The following PTPRQ variants were observed in gnomAD, a reference collection of about 807,000 sequenced individuals.
PTPRQ encodes the protein phosphatidylinositol phosphatase PTPRQ.
PTPRQ carries 199 observed loss-of-function variants against 246.0 expected under a neutral mutation model. The ratio of observed to expected loss-of-function variants is 0.81; its 90% CI spans 0.72 to 0.91. The LOEUF is 0.91. Ranked by LOEUF, PTPRQ falls within the 40% of genes least tolerant of loss-of-function variation. The pLI is 0.00. For synonymous variants in PTPRQ, 869 were observed against 853.2 expected, an observed-to-expected ratio of 1.02 and a Z score of -0.32; for missense variants, 2,624 against 2,528.4, an observed-to-expected ratio of 1.04 and a Z score of -0.81.
At chr12:80,678,753 G>A (rs930531967) in intron 44 of PTPRQ, 28 bp downstream of exon 44, 2 of 1,526,564 alleles carry the variant, frequency 1.3e-6, no homozygotes, top group Non-Finnish European at 1.8e-6. Context: ...TATATGCCCA[G>A]CTTACTAGTT....
At chr12:80,644,154 CATAA>C (rs1222801332) in intron 35 of PTPRQ, among the ~76,000 whole-genome samples, 1 of 152,154 alleles carries the variant, frequency 6.6e-6, no homozygotes, top group Admixed American at 6.5e-5. Context: ...CCACTGCCAA[CATAA>C]ATAAATGCTT....
chr12:80,571,325 A>G (rs999636386), intron 25 of PTPRQ, among the ~76,000 whole-genome samples: 2 of 152,174 alleles, frequency 1.3e-5, no homozygotes, highest in Non-Finnish European at 2.9e-5. Context: ...TTTTTAGTAG[A>G]GACAGGGTTT....
Position 80,673,302 on chromosome 12 carries a change from C to T in PTPRQ, c.6736C>T (p.Leu2246=). 1 of 1,547,562 alleles carries T rather than the reference C, an allele frequency of 6.5e-7. No homozygotes were observed. Among genetic ancestry groups the T allele is most frequent in the South Asian group, 1.2e-5 (1 of 83,172 alleles). The change falls in exon 43 of 45, where the codon CTG becomes TTG. Residue 2246 remains leucine (L), a splice_region_variant and synonymous_variant. Coordinates refer to ENST00000644991, the MANE Select transcript of PTPRQ (RefSeq NM_001145026.2). ...TGAAAGAATGTGCATGGTGCAGAAT[C>T]TGGTAAGATCTCTAAACCTGCACTG... ...RSERMCMVQN[L]AQYIFLHQCI...
At chr12:80,504,457 T>C (rs1815459743) in intron 14 of PTPRQ, among the ~76,000 whole-genome samples, 1 of 151,864 alleles carries the variant, frequency 6.6e-6, no homozygotes, top group African/African-American at 2.4e-5. Flanking sequence ...AACATTTCTA[T>C]TTTATTTCAA....
At chr12:80,575,190 G>A (rs918723847) in intron 25 of PTPRQ, among the ~76,000 whole-genome samples, 20 of 152,190 alleles carry the variant, frequency 1.3e-4, no homozygotes, top group African/African-American at 3.9e-4. Flanking sequence ...ACACTTTAGT[G>A]TATAATAGCC....
rs1023247013 is a variant in PTPRQ at position 80,649,454 on chromosome 12, T to G, written c.5943-134T>G. The G allele has an allele frequency of 5.7e-6, 7 of 1,231,196 alleles. No homozygotes were observed. In the Admixed American group the frequency reaches 1.1e-4, roughly 19 times the overall value. The allele number at this position is 1,231,196 out of a possible 1,614,324, so 76.3% of individuals were successfully genotyped here. A position where few individuals can be genotyped will look rare whatever the true frequency, so the allele number is the denominator to read the frequency against. On this transcript the variant is annotated intron_variant, in intron 36 of 44. Transcript: ENST00000644991. Reference sequence around the variant, plus strand: ...TTTTATAAGTATAACAGAGTGACTTTAAAAAGCTGTGTTGTTTGTGATTTT... The same window carrying G: ...TTTTATAAGTATAACAGAGTGACTTGAAAAAGCTGTGTTGTTTGTGATTTT...
intron 9 of PTPRQ, among the ~76,000 whole-genome samples, chr12:80,487,151 T>C (rs1408147689): frequency 5.9e-5 from 9 of 151,548 alleles, no homozygotes; most frequent in Non-Finnish European, 1.3e-4. Context: ...TCTCTGACGC[T>C]CTGGATTCCT....
At chr12:80,596,615 T>C (rs1897977993) in intron 26 of PTPRQ, among the ~76,000 whole-genome samples, 1 of 152,062 alleles carries the variant, frequency 6.6e-6, no homozygotes, top group South Asian at 2.1e-4. Context: ...GAGAATCTTC[T>C]TTCTGTCCAT....
At chr12:80,532,384 C>A (rs1166386569) in intron 17 of PTPRQ, among the ~76,000 whole-genome samples, 1 of 151,858 alleles carries the variant, frequency 6.6e-6, no homozygotes, top group Non-Finnish European at 1.5e-5. Context: ...CCACGCAGGG[C>A]TAATTTTTTT....
At chr12:80,512,741 T>C (rs1345698846) in intron 17 of PTPRQ, 3 of 152,202 alleles carry the variant, frequency 2.0e-5, no homozygotes, top group African/African-American at 7.2e-5. Context: ...TGGGTAAATA[T>C]TCAATCAATT....
rs1368092988 is a variant in PTPRQ, at chr12:80,506,597, T to C, written c.2484T>C (p.Ile828=). The C allele has an allele frequency of 6.5e-7, 1 of 1,540,272 alleles. No individual in the cohort carries two copies. Among genetic ancestry groups the C allele is most frequent in the African/African-American group, 1.4e-5 (1 of 72,810 alleles). The part of the protein sequence containing the change: ...KVLKKYTQYI[I]EVSASTLKGE... ...TGAAGAAATATACCCAATATATCAT[T>C]GAGGTGTCTGCTAGTACACTCAAAG... Residue 828 remains isoleucine (I), a synonymous_variant, in exon 16 of 45, where the codon ATT becomes ATC. Coordinates refer to ENST00000644991, the MANE Select transcript of PTPRQ (RefSeq NM_001145026.2).
At chr12:80,465,382 G>T (rs1268152079) in intron 6 of PTPRQ, 1 of 152,162 alleles carries the variant, frequency 6.6e-6, no homozygotes, top group Non-Finnish European at 1.5e-5. Context: ...CAACCAAAAA[G>T]AGTCCAGGAC....
At chr12:80,520,133 G>C (rs571392385) in intron 17 of PTPRQ, among the ~76,000 whole-genome samples, 1 of 151,862 alleles carries the variant, frequency 6.6e-6, no homozygotes, top group Non-Finnish European at 1.5e-5. Context: ...TCTCAGCCTC[G>C]TGGTCTCTAT....
At chr12:80,652,706 C>A in intron 37 of PTPRQ, 38 bp from the exon 38 acceptor site, 1 of 1,462,698 alleles carries the variant, frequency 6.8e-7, no homozygotes, top group Middle Eastern at 1.8e-4. Flanking sequence ...TTGTTTACCT[C>A]TGATAAATGT....
At chr12:80,660,866 A>C (rs1163013) in intron 39 of PTPRQ, among the ~76,000 whole-genome samples, 76,400 of 151,802 alleles carry the variant, frequency 0.5, 21,826 homozygotes, top group African/African-American at 0.8. Flanking sequence ...GATCCCTCCA[A>C]ACTTTGTATA....
intron 25 of PTPRQ, chr12:80,561,026 G>A (rs1452478318): frequency 1.3e-5 from 2 of 153,868 alleles, no homozygotes; most frequent in Non-Finnish European, 2.9e-5. Flanking sequence ...AACATTGCTG[G>A]TTGGCCCTCT....
At chr12:80,531,644 T>C (rs1895847198) in intron 17 of PTPRQ, among the ~76,000 whole-genome samples, 2 of 152,244 alleles carry the variant, frequency 1.3e-5, no homozygotes, top group Non-Finnish European at 2.9e-5. Context: ...GTCTCCTTTC[T>C]CTTTCTTTTA....
chr12:80,496,543 TTTTC>T lies in PTPRQ; in HGVS notation c.2272+16_2272+19del. ...GACTTCGGAGACTGGTGAGCTTTTG[TTTTC>T]TTTGTTTGTTTAATAATACACAGTG... On this transcript the variant is annotated intron_variant, in intron 14 of 44. Transcript: ENST00000644991. 1.3e-5 allele frequency: 19 copies of T among 1,425,836 alleles called. No individual in the cohort carries two copies. Among genetic ancestry groups the T allele is most frequent in the Non-Finnish European group, 1.8e-5 (19 of 1,085,242 alleles). 88.3% of individuals were successfully genotyped at this position (1,425,836 alleles called of 1,614,324 possible).
chr12:80,615,811 G>C (rs1266413086), intron 29 of PTPRQ, among the ~76,000 whole-genome samples: 1 of 151,058 alleles, frequency 6.6e-6, no homozygotes, highest in East Asian at 2.0e-4. Context: ...TAGATGAAGG[G>C]AGAGCGTAGA....
Sources: allele counts gnomAD v4.1 joint callset (sites outside exome capture counted in the v4.1 genomes callset), GRCh38; gene constraint gnomAD v4.1.1; transcripts MANE v1.5; gene names NCBI Gene and HGNC (gene_info 2026-07-23, HGNC 2026-07-21).